SASH1: variants seen among roughly 807,000 people sequenced by gnomAD.
The protein encoded by SASH1 is SAM and SH3 domain containing 1.
SASH1 carries 44 observed loss-of-function variants against 125.2 expected under a neutral mutation model. That is an observed-to-expected ratio of 0.35 (90% CI 0.28 to 0.45). SASH1 has a LOEUF of 0.45. Among genes scored for constraint, SASH1 ranks in the 20% least tolerant of loss-of-function variants. SASH1 has a pLI of 1.00. For missense variants in SASH1, 1,426 were observed against 1,614.5 expected (o/e 0.88, Z 2.00); for synonymous variants, 639 against 649.1 (o/e 0.98, Z 0.24).
chr6:148,226,670 C>G, the SASH1 span, among the ~76,000 whole-genome samples: 1 of 152,154 alleles, frequency 6.6e-6, no homozygotes, highest in African/African-American at 2.4e-5. Flanking sequence ...GGACACGTAG[C>G]CTGTGTATTC....
chr6:148,427,400 G>A (rs745861750), intron 2 of SASH1, among the ~76,000 whole-genome samples: 3 of 152,162 alleles, frequency 2.0e-5, no homozygotes, highest in Admixed American at 6.5e-5. Context: ...GTCTTTTAAT[G>A]ATTACATTTA....
chr6:148,518,799 G>C (rs1054862625), intron 9 of SASH1, among the ~76,000 whole-genome samples: 1 of 152,140 alleles, frequency 6.6e-6, no homozygotes, highest in Non-Finnish European at 1.5e-5. Context: ...GGAGGGCTTG[G>C]CTTGCCACCT....
Position 148,525,487 on chromosome 6 carries a change from C to T in SASH1, c.1284+122C>T, listed in dbSNP as rs540446429. On this transcript the variant is annotated intron_variant, in intron 11 of 19. Transcript: ENST00000367467. Reference sequence around the variant, plus strand: ...CGTTTTCCTTGGTAATCCTGAGTCACGTTTGGAAAAAAGCTCTATTTCACT... The same window carrying T: ...CGTTTTCCTTGGTAATCCTGAGTCATGTTTGGAAAAAAGCTCTATTTCACT... 32 of 811,806 alleles carry T rather than the reference C, an allele frequency of 3.9e-5. No homozygotes were observed. In the Middle Eastern group the frequency reaches 6.9e-4, roughly 18 times the overall value. 50.3% of individuals were successfully genotyped at this position (811,806 alleles called of 1,614,324 possible). A position where few individuals can be genotyped will look rare whatever the true frequency, so the allele number is the denominator to read the frequency against.
Position 148,510,142 on chromosome 6 carries a change from A to C in SASH1, c.730-4182A>C, listed in dbSNP as rs1701556436. 2.0e-5 allele frequency among the ~76,000 whole-genome samples: 3 copies of C among 152,250 alleles called. No individual in the cohort carries two copies. The South Asian group carries it at 6.2e-4, about 31-fold the overall frequency. ...ATGGAAACCAGAAATGAAACACTTA[A>C]GCATTCACCACAGAATTACTACATA... On this transcript the variant is annotated intron_variant, in intron 8 of 19. Coordinates refer to ENST00000367467, the MANE Select transcript of SASH1 (RefSeq NM_015278.5).
chr6:148,315,706 C>T (rs572766155), intron 1 of SASH1, among the ~76,000 whole-genome samples: 1 of 152,244 alleles, frequency 6.6e-6, no homozygotes, highest in East Asian at 1.9e-4. Context: ...GAATTCGAGA[C>T]CTGCCTGGGC....
intron 12 of SASH1, 133 bp downstream of exon 12, chr6:148,527,729 A>G: frequency 1.2e-6 from 1 of 850,446 alleles, no homozygotes; most frequent in Non-Finnish European, 1.8e-6. Flanking sequence ...TCCGTGCTTT[A>G]TTTACGTAGA....
intron 1 of SASH1, among the ~76,000 whole-genome samples, chr6:148,318,626 C>T (rs1182274367): frequency 7.7e-6 from 1 of 129,592 alleles, no homozygotes; most frequent in Admixed American, 8.8e-5. Flanking sequence ...GATCTTGGCT[C>T]ACTGCAAGCT....
chr6:148,482,625 A>G (rs1778675977), intron 7 of SASH1, among the ~76,000 whole-genome samples: 1 of 150,634 alleles, frequency 6.6e-6, no homozygotes, highest in South Asian at 2.1e-4. Flanking sequence ...AGGCTCAAGC[A>G]GTTCTCATGC....
At chr6:148,222,941 C>T in the SASH1 span, among the ~76,000 whole-genome samples, 1 of 152,134 alleles carries the variant, frequency 6.6e-6, no homozygotes, top group African/African-American at 2.4e-5. Context: ...CTCTTGGTTC[C>T]TCCTCTCCTT....
chr6:148,417,940 C>T (rs1784894748), intron 2 of SASH1, among the ~76,000 whole-genome samples: 1 of 152,126 alleles, frequency 6.6e-6, no homozygotes, highest in Admixed American at 6.5e-5. Context: ...CCAGAAAGCG[C>T]TACAGAAGCA....
the SASH1 span, among the ~76,000 whole-genome samples, chr6:148,207,147 C>T: frequency 6.6e-6 from 1 of 152,174 alleles, no homozygotes. Context: ...TCTGTCCCAC[C>T]CTGATTTTCC....
chr6:148,536,009 A>ACAC (rs1781822399), intron 16 of SASH1, among the ~76,000 whole-genome samples: 2 of 152,242 alleles, frequency 1.3e-5, no homozygotes, highest in African/African-American at 4.8e-5. Context: ...CTAGAGAAAC[A>ACAC]CACACCATCA....
intron 2 of SASH1, among the ~76,000 whole-genome samples, chr6:148,424,869 C>G (rs1024267459): frequency 2.0e-5 from 3 of 152,166 alleles, no homozygotes; most frequent in African/African-American, 7.2e-5. Context: ...ATCAGTGTCA[C>G]CTGGGAACTT....
At chr6:148,409,671 C>T (rs1784536688) in intron 2 of SASH1, among the ~76,000 whole-genome samples, 2 of 152,242 alleles carry the variant, frequency 1.3e-5, no homozygotes, top group African/African-American at 2.4e-5. Context: ...CGTGGTGGCT[C>T]ACGCCTGTAA....
chr6:148,245,095 A>G, the SASH1 span, among the ~76,000 whole-genome samples: 5 of 152,170 alleles, frequency 3.3e-5, no homozygotes, highest in African/African-American at 1.2e-4. Flanking sequence ...CAGCTGCTTG[A>G]TGCCTTAAAG....
Position 148,549,752 on chromosome 6 carries a change from A to G in SASH1, c.*1194A>G. ...ACTATGGAACCAGACAAATCTCATT[A>G]GCCATGTGTTAAGTATTTGCTACTT... On this transcript the variant is annotated 3_prime_UTR_variant, in exon 20 of 20. Coordinates refer to ENST00000367467, the MANE Select transcript of SASH1 (RefSeq NM_015278.5). The G allele has an allele frequency of 2.5e-6, 1 of 394,166 alleles. No individual in the cohort carries two copies. The highest frequency in any genetic ancestry group is 4.5e-6 in the Non-Finnish European group (1 of 223,464). 24.4% of individuals were successfully genotyped at this position (394,166 alleles called of 1,614,324 possible).
At chr6:148,225,509 G>A in the SASH1 span, among the ~76,000 whole-genome samples, 1 of 152,138 alleles carries the variant, frequency 6.6e-6, no homozygotes, top group Admixed American at 6.6e-5. Flanking sequence ...ACTTATAAGT[G>A]GGAGCTAAGC....
Position 148,544,549 on chromosome 6 carries a change from GCCAGCCCCA to G in SASH1, c.3087_3095del (p.Thr1030_Pro1032del), listed in dbSNP as rs1562503689. The G allele has an allele frequency of 8.1e-6, 13 of 1,612,886 alleles. No homozygotes were observed. Among genetic ancestry groups the G allele is most frequent in the Non-Finnish European group, 1.1e-5 (13 of 1,179,884 alleles). Reference sequence around the variant, plus strand: ...CCTGCCAGTGAAAAGGGGCAGCCCCGCCAGCCCCACCAGCCCTAGCGACTGTCCCCCAGC... The same window carrying G: ...CCTGCCAGTGAAAAGGGGCAGCCCCGCCAGCCCTAGCGACTGTCCCCCAGC... On this transcript the variant is annotated inframe_deletion, in exon 18 of 20. Coordinates refer to ENST00000367467, the MANE Select transcript of SASH1 (RefSeq NM_015278.5). The surrounding 1 kb of genome is among the most constrained non-coding windows in gnomAD (Gnocchi z 6.4).
At chr6:148,271,680 A>G (rs1779066176), upstream of SASH1, among the ~76,000 whole-genome samples, 3 of 152,326 alleles carry the variant, frequency 2.0e-5, no homozygotes, top group South Asian at 6.2e-4. Context: ...GAAGCCTGGC[A>G]TATCAGCCAA....
Sources: gnomAD v4.1 joint callset for allele counts (sites outside exome capture counted in the v4.1 genomes callset) on GRCh38, gnomAD v4.1.1 for gene constraint, Gnocchi (gnomAD v3.1) non-coding constraint, MANE v1.5 for transcripts, NCBI Gene and HGNC (gene_info 2026-07-23, HGNC 2026-07-21) for gene names.